UACA: variants seen among roughly 807,000 people sequenced by gnomAD.
UACA encodes the protein uveal autoantigen with coiled-coil domains and ankyrin repeats, also known as nuclear membrane binding protein.
UACA carries 112 observed loss-of-function variants against 160.5 expected under a neutral mutation model. The observed-to-expected ratio is 0.70, with a 90% CI of 0.60 to 0.82. The LOEUF (loss-of-function observed/expected upper bound fraction) is 0.82. UACA is among the 40% of genes least tolerant of loss of function. The pLI is 0.00. For missense variants in UACA, 1,574 were observed against 1,614.6 expected (o/e 0.97, Z 0.43); for synonymous variants, 557 against 568.4 (o/e 0.98, Z 0.29).
intron 1 of UACA, among the ~76,000 whole-genome samples, chr15:70,757,952 C>A (rs2030527670): frequency 6.6e-6 from 1 of 152,178 alleles, no homozygotes; most frequent in South Asian, 2.1e-4. Flanking sequence ...CCTAATTAAT[C>A]CATTATTGAG....
Position 70,684,348 on chromosome 15 carries a change from T to G in UACA, c.701A>C (p.His234Pro). 6.2e-7 allele frequency: 1 copy of G among 1,613,874 alleles called. No homozygotes were observed. The highest frequency in any genetic ancestry group is 1.1e-5 in the South Asian group (1 of 91,054). ...ADISLLDALG[H>P]DSSYYARIGD... ...AATTCTTGCATAGTAAGAACTATCATGGCCAAGCGCATCCAGCAAGCTTAT... is the reference window on the plus strand; with the variant it reads ...AATTCTTGCATAGTAAGAACTATCAGGGCCAAGCGCATCCAGCAAGCTTAT... Residue 234 changes from histidine (H) to proline (P), a missense_variant, in exon 8 of 19, where the codon CAT becomes CCT. His to Pro is a moderately conservative substitution (Grantham distance 77, BLOSUM62 -2). Coordinates refer to ENST00000322954, the MANE Select transcript of UACA (RefSeq NM_018003.4).
In UACA at chr15:70,656,331, T is replaced by C. The variant is rs1161882710; in HGVS notation, c.*725A>G. On this transcript the variant is annotated 3_prime_UTR_variant, in exon 19 of 19. Coordinates refer to ENST00000322954, the MANE Select transcript of UACA (RefSeq NM_018003.4). ...TATCATCTATCATTATTCTCCAATA[T>C]TGTGGCAAGAATAGTCACCGCAAGT... is the stretch of plus-strand genomic sequence containing the variant. The C allele has an allele frequency of 6.6e-6, 1 of 152,160 alleles. No individual in the cohort carries two copies. The highest frequency in any genetic ancestry group is 1.5e-5 in the Non-Finnish European group (1 of 68,012). The allele number at this position is 152,160 out of a possible 1,614,324, so 9.4% of individuals were successfully genotyped here. A position where few individuals can be genotyped will look rare whatever the true frequency, so the allele number is the denominator to read the frequency against.
chr15:70,755,441 G>A (rs2030360419), intron 1 of UACA, among the ~76,000 whole-genome samples: 1 of 151,888 alleles, frequency 6.6e-6, no homozygotes, highest in African/African-American at 2.4e-5. Flanking sequence ...AGGCCGAGGT[G>A]GGTGGATCGC....
the UACA span, chr15:70,778,673 T>C: frequency 6.6e-6 from 1 of 152,236 alleles, no homozygotes; most frequent in African/African-American, 2.4e-5. Flanking sequence ...TATATGGTAA[T>C]TTATTCACAG....
At chr15:70,744,423 C>A (rs1220739903) in intron 1 of UACA, among the ~76,000 whole-genome samples, 2 of 152,024 alleles carry the variant, frequency 1.3e-5, no homozygotes, top group Non-Finnish European at 1.5e-5. Context: ...AAGTACCTCA[C>A]ATATACCCGA....
At chr15:70,718,155 T>C (rs575640088) in intron 1 of UACA, among the ~76,000 whole-genome samples, 28 of 150,792 alleles carry the variant, frequency 1.9e-4, no homozygotes, top group Non-Finnish European at 3.7e-4. Context: ...TCTGATTTTT[T>C]GGTACATCAA....
intron 1 of UACA, among the ~76,000 whole-genome samples, chr15:70,762,213 G>A (rs1224244042): frequency 6.8e-6 from 1 of 146,546 alleles, no homozygotes; most frequent in African/African-American, 2.6e-5. Flanking sequence ...TTATGTCCAA[G>A]TAAAATAATC....
intron 1 of UACA, among the ~76,000 whole-genome samples, chr15:70,723,378 A>G (rs1566991355): frequency 6.6e-6 from 1 of 152,208 alleles, no homozygotes; most frequent in Non-Finnish European, 1.5e-5. Flanking sequence ...CCAGCTACTC[A>G]GGGATACTCT....
intron 1 of UACA, among the ~76,000 whole-genome samples, chr15:70,746,884 C>T (rs1899722193): frequency 6.6e-6 from 1 of 152,064 alleles, no homozygotes; most frequent in Non-Finnish European, 1.5e-5. Flanking sequence ...AACACAAGAA[C>T]AGAAAACCAA....
chr15:70,698,495 G>C (rs1418058013), intron 2 of UACA, among the ~76,000 whole-genome samples: 1 of 152,122 alleles, frequency 6.6e-6, no homozygotes, highest in South Asian at 2.1e-4. Context: ...ACTGCTACTT[G>C]ATAAAAGTGA....
chr15:70,707,721 T>C (rs887288760), intron 1 of UACA, among the ~76,000 whole-genome samples: 1 of 151,796 alleles, frequency 6.6e-6, no homozygotes, highest in African/African-American at 2.4e-5. Flanking sequence ...CAGTGAGATA[T>C]AACCTCACAC....
the UACA span, among the ~76,000 whole-genome samples, chr15:70,774,897 A>G: frequency 6.6e-6 from 1 of 152,112 alleles, no homozygotes; most frequent in South Asian, 2.1e-4. Context: ...CTACAAAAAT[A>G]AAATAAAATT....
the UACA span, among the ~76,000 whole-genome samples, chr15:70,776,018 A>AT: frequency 6.6e-6 from 1 of 152,202 alleles, no homozygotes; most frequent in Non-Finnish European, 1.5e-5. Flanking sequence ...AGACTCTAGG[A>AT]TTGAAACAAG....
chr15:70,749,172 T>C (rs1436913559), intron 1 of UACA: 2 of 430,866 alleles, frequency 4.6e-6, no homozygotes, highest in South Asian at 1.7e-5. Context: ...AGGTGGATCC[T>C]AGTTCATTGT....
chr15:70,693,271 G>C (rs966813114), intron 3 of UACA, among the ~76,000 whole-genome samples: 2 of 152,090 alleles, frequency 1.3e-5, no homozygotes, highest in African/African-American at 4.8e-5. Context: ...AGATACGGCA[G>C]CAAAAAACCA....
chr15:70,677,976 C>T (rs1218037852), intron 11 of UACA, 123 bp downstream of exon 11: 1 of 634,350 alleles, frequency 1.6e-6, no homozygotes, highest in Admixed American at 3.4e-5. Flanking sequence ...AATCCTGGTC[C>T]CCAGTAAGAT....
At chr15:70,696,169 C>T (rs1898121019) in intron 2 of UACA, among the ~76,000 whole-genome samples, 2 of 152,160 alleles carry the variant, frequency 1.3e-5, no homozygotes, top group South Asian at 2.1e-4. Context: ...CCTGACCACA[C>T]CATTAAAATT....
In UACA at chr15:70,692,751, T is replaced by A. The variant is rs1039057164; in HGVS notation, c.302-1388A>T. Among the ~76,000 whole-genome samples, 3 of 152,266 alleles carry A rather than the reference T, an allele frequency of 2.0e-5. No individual in the cohort carries two copies. The South Asian group carries it at 6.2e-4, about 32-fold the overall frequency. ...GCCACCACACTCTAGCCTAAGTGAC[T>A]GAGCGAAATCCTGTCAGAAAAAAAC... is the stretch of plus-strand genomic sequence containing the variant. On this transcript the variant is annotated intron_variant, in intron 3 of 18. Transcript: ENST00000322954.
In UACA at chr15:70,667,714, G is replaced by A; in HGVS notation, c.2970C>T (p.Ser990=). 2 of 1,613,880 alleles carry A rather than the reference G, an allele frequency of 1.2e-6. No homozygotes were observed. The highest frequency in any genetic ancestry group is 1.7e-6 in the Non-Finnish European group (2 of 1,179,968). Residue 990 remains serine (S), a synonymous_variant, in exon 16 of 19, where the codon AGC becomes AGT. Coordinates refer to ENST00000322954, the MANE Select transcript of UACA (RefSeq NM_018003.4). ...CIKVKYAPIV[S]FEECERKFKA... is the part of the protein sequence containing the mutation. The stretch of plus-strand genomic sequence containing the variant: ...TAAATTTTCTCTCGCACTCCTCAAA[G>A]CTGACAATTGGGGCGTATTTTACCT...
Sources: allele counts gnomAD v4.1 joint callset (sites outside exome capture counted in the v4.1 genomes callset), GRCh38; gene constraint gnomAD v4.1.1; transcripts MANE v1.5; gene names NCBI Gene and HGNC (gene_info 2026-07-23, HGNC 2026-07-21).